RSPH3: variants seen among roughly 807,000 people sequenced by gnomAD.
The protein encoded by RSPH3 is radial spoke head protein 3 homolog.
A neutral mutation model predicts 43.8 loss-of-function variants in RSPH3; 21 were observed. The ratio of observed to expected loss-of-function variants is 0.48; its 90% CI spans 0.34 to 0.69. The LOEUF (loss-of-function observed/expected upper bound fraction) is 0.69, where lower values mean the gene tolerates loss of function less well. RSPH3 is among the 30% of genes least tolerant of loss of function. The probability of loss-of-function intolerance (pLI) is 0.01; values close to 1 mark genes in which losing one functional copy is unlikely to be tolerated. For synonymous variants in RSPH3, 173 were observed against 179.8 expected (o/e 0.96, Z 0.30); for missense variants, 487 against 516.0 (o/e 0.94, Z 0.54).
chr6:158,976,286 A>G lies in RSPH3; in HGVS notation c.*1252T>C, dbSNP rs1196807656. 1 of 152,226 alleles carries G rather than the reference A, an allele frequency of 6.6e-6. No homozygotes were observed. The highest frequency in any genetic ancestry group is 2.4e-5 in the African/African-American group (1 of 41,456). 9.4% of individuals were successfully genotyped at this position (152,226 alleles called of 1,614,324 possible). On this transcript the variant is annotated 3_prime_UTR_variant, in exon 8 of 8. Coordinates refer to ENST00000367069, the MANE Select transcript of RSPH3 (RefSeq NM_031924.8). ...TTACGATTAGGAAGGCTTTGGAGAG[A>G]AAATAACTTGTGATTTTAATACTGC...
downstream of RSPH3, among the ~76,000 whole-genome samples, chr6:158,972,412 C>T (rs535047315): frequency 2.0e-5 from 3 of 152,304 alleles, no homozygotes; most frequent in Admixed American, 6.5e-5. Context: ...GGCACCCCTA[C>T]AGAGCTGGCA....
At chr6:158,968,951 C>G (rs1433514935), downstream of RSPH3, among the ~76,000 whole-genome samples, 2 of 152,138 alleles carry the variant, frequency 1.3e-5, no homozygotes, top group Admixed American at 6.5e-5. Context: ...CCTTGTGATC[C>G]ACCCTACAAA....
intron 3 of RSPH3, among the ~76,000 whole-genome samples, chr6:158,984,631 G>A (rs1318777791): frequency 6.6e-6 from 1 of 151,460 alleles, no homozygotes; most frequent in Non-Finnish European, 1.5e-5. Flanking sequence ...TAATTTATAT[G>A]AGGCAGGGGT....
intron 3 of RSPH3, among the ~76,000 whole-genome samples, chr6:158,984,064 G>A (rs1353117764): frequency 4.6e-5 from 7 of 152,004 alleles, no homozygotes; most frequent in African/African-American, 9.7e-5. Context: ...AACCTGGGAG[G>A]TGGAGGTTGC....
intron 5 of RSPH3, among the ~76,000 whole-genome samples, chr6:158,981,161 A>G (rs1284932831): frequency 6.6e-6 from 1 of 151,824 alleles, no homozygotes; most frequent in Non-Finnish European, 1.5e-5. Context: ...AAAACATGTC[A>G]CTATTCAAGT....
Position 158,993,827 on chromosome 6 carries a change from A to G in RSPH3, c.204+12T>C. 1 of 1,512,624 alleles carries G rather than the reference A, an allele frequency of 6.6e-7. No individual in the cohort carries two copies. Among genetic ancestry groups the G allele is most frequent in the Non-Finnish European group, 9.2e-7 (1 of 1,088,630 alleles). The allele number at this position is 1,512,624 out of a possible 1,614,324, so 93.7% of individuals were successfully genotyped here. On this transcript the variant is annotated intron_variant, in intron 2 of 7. Coordinates refer to ENST00000367069, the MANE Select transcript of RSPH3 (RefSeq NM_031924.8). ...TGAGAACACGGTGTTAGACTATTCA[A>G]ACTGAACTTACCAGTGGCCCTGTCT...
rs995085555 is a variant in RSPH3, at chr6:158,989,071, G to C, written c.205-2650C>G. Among the ~76,000 whole-genome samples the C allele has an allele frequency of 6.6e-6, 1 of 151,070 alleles. No individual in the cohort carries two copies. The highest frequency in any genetic ancestry group is 1.5e-5 in the Non-Finnish European group (1 of 67,944). ...GTTTTTTTTTATCTTTTTTGAGACAGAGTCTCGCTCTGTCACCCTGGCTGG... is the reference window on the plus strand; with the variant it reads ...GTTTTTTTTTATCTTTTTTGAGACACAGTCTCGCTCTGTCACCCTGGCTGG... On this transcript the variant is annotated intron_variant, in intron 2 of 7. Coordinates refer to ENST00000367069, the MANE Select transcript of RSPH3 (RefSeq NM_031924.8). The surrounding 1 kb of genome is among the most constrained non-coding windows in gnomAD (Gnocchi z 4.3).
rs975420141 is a variant in RSPH3, at chr6:158,999,984, G to A, written c.-434C>T. The A allele has an allele frequency of 6.4e-7, 1 of 1,572,136 alleles. No homozygotes were observed. The highest frequency in any genetic ancestry group is 1.2e-5 in the South Asian group (1 of 85,308). On this transcript the variant is annotated 5_prime_UTR_variant, in exon 1 of 8. Transcript: ENST00000367069. ...GGCTGGCTTGACCGTCATCCTTGAGGCCTGCGGGGCAACGGTGGCTGTCCT... is the reference window on the plus strand; with the variant it reads ...GGCTGGCTTGACCGTCATCCTTGAGACCTGCGGGGCAACGGTGGCTGTCCT...
chr6:158,968,454 T>G (rs1488575527), downstream of RSPH3, among the ~76,000 whole-genome samples: 6 of 152,124 alleles, frequency 3.9e-5, no homozygotes, highest in African/African-American at 1.4e-4. Context: ...CAGGCTGGTC[T>G]TGAACTCCTG....
rs762776262 is a variant in RSPH3, at chr6:158,999,412, C to A, written c.116+23G>T. ...GGATGGGGTGCAAGTATGGACCACA[C>A]AGGGGCTGGCTTGGTCACTCACGGC... On this transcript the variant is annotated intron_variant, in intron 1 of 7. Transcript: ENST00000367069. The A allele has an allele frequency of 2.7e-6, 4 of 1,493,180 alleles. No homozygotes were observed. In the African/African-American group the frequency reaches 4.2e-5, roughly 16 times the overall value. 92.5% of individuals were successfully genotyped at this position (1,493,180 alleles called of 1,614,324 possible).
chr6:158,964,399 A>G, the RSPH3 span, among the ~76,000 whole-genome samples: 23 of 152,304 alleles, frequency 1.5e-4, no homozygotes, highest in East Asian at 3.7e-3. Flanking sequence ...ACTCATTTTT[A>G]GGACCTGGAG....
chr6:158,982,488 T>C lies in RSPH3; in HGVS notation c.693A>G (p.Glu231=). 6.3e-7 allele frequency: 1 copy of C among 1,597,328 alleles called. No homozygotes were observed. Among genetic ancestry groups the C allele is most frequent in the Non-Finnish European group, 8.5e-7 (1 of 1,173,436 alleles). ...AAGAAAATATAATTATATATACTTT[T>C]TCTTCTCGGTGTCGCCTCTCTTGCT... ...LEEQERRHRE[E]KERRKKQQWE... The change falls in exon 5 of 8, where the codon GAA becomes GAG. Residue 231 remains glutamate, a synonymous_variant. Coordinates refer to ENST00000367069, the MANE Select transcript of RSPH3 (RefSeq NM_031924.8).
Position 158,993,868 on chromosome 6 carries a change from T to A in RSPH3, c.175A>T (p.Asn59Tyr), listed in dbSNP as rs1178327632. The change falls in exon 2 of 8, where the codon AAC (asparagine) becomes TAC (tyrosine). Residue 59 changes from asparagine (N) to tyrosine (Y), a missense_variant. Coordinates refer to ENST00000367069, the MANE Select transcript of RSPH3 (RefSeq NM_031924.8). ...GGCCCTGTCTGGAGTGCATAAGTGT[T>A]ACCTCGAATTACCCTTCTGTCATAC... ...IMYDRRVIRG[N>Y]TYALQTGPLL... The A allele has an allele frequency of 6.2e-7, 1 of 1,610,804 alleles. No homozygotes were observed. The highest frequency in any genetic ancestry group is 8.5e-7 in the Non-Finnish European group (1 of 1,177,130).
At chr6:158,997,198 T>C (rs559894330) in intron 1 of RSPH3, among the ~76,000 whole-genome samples, 3 of 152,174 alleles carry the variant, frequency 2.0e-5, no homozygotes, top group Admixed American at 2.0e-4. Flanking sequence ...ATAGATCTCT[T>C]TATAGACTAT....
chr6:158,980,585 T>C (rs1414363182), intron 6 of RSPH3, among the ~76,000 whole-genome samples, 189 bp downstream of exon 6: 1 of 152,212 alleles, frequency 6.6e-6, no homozygotes, highest in East Asian at 1.9e-4. Flanking sequence ...CAAATACTAA[T>C]ATCCTTAAAT....
chr6:158,995,499 G>A (rs1027520911), intron 1 of RSPH3, among the ~76,000 whole-genome samples: 4 of 152,204 alleles, frequency 2.6e-5, no homozygotes, highest in East Asian at 1.9e-4. Context: ...GCTTGTGGTC[G>A]CCTTCCAGTC....
At chr6:158,970,715 T>C (rs142341962), downstream of RSPH3, among the ~76,000 whole-genome samples, 451 of 152,108 alleles carry the variant, frequency 3.0e-3, 1 homozygote, top group Non-Finnish European at 5.0e-3. Flanking sequence ...CTTGCCAGTT[T>C]ATTTATTTTT....
chr6:158,984,492 TA>T (rs1554289689), intron 3 of RSPH3, among the ~76,000 whole-genome samples: 1 of 123,252 alleles, frequency 8.1e-6, no homozygotes, highest in Non-Finnish European at 1.6e-5. Context: ...CCTAAGATAG[TA>T]AACATATACA....
At chr6:158,970,258 T>C (rs1777680915), downstream of RSPH3, among the ~76,000 whole-genome samples, 1 of 152,254 alleles carries the variant, frequency 6.6e-6, no homozygotes, top group Admixed American at 6.5e-5. Context: ...GTGTGGCCAC[T>C]GAAGTCTCTG....
Sources: gnomAD v4.1 joint callset for allele counts (sites outside exome capture counted in the v4.1 genomes callset) on GRCh38, gnomAD v4.1.1 for gene constraint, Gnocchi (gnomAD v3.1) non-coding constraint, MANE v1.5 for transcripts, NCBI Gene and HGNC (gene_info 2026-07-23, HGNC 2026-07-21) for gene names.